Variants in ABCB1 observed in about 807,000 individuals in gnomAD.
ABCB1 encodes the protein ATP binding cassette subfamily B member 1.
ABCB1 carries 69 observed loss-of-function variants against 142.0 expected under a neutral mutation model. The ratio of observed to expected loss-of-function variants is 0.49; its 90% CI spans 0.40 to 0.59. The LOEUF (loss-of-function observed/expected upper bound fraction) is 0.59. ABCB1 is among the 20% of genes least tolerant of loss of function. The pLI is 0.00. For missense variants in ABCB1, 1,326 were observed against 1,554.7 expected, an observed-to-expected ratio of 0.85 and a Z score of 2.47; for synonymous variants, 532 against 539.2, an observed-to-expected ratio of 0.99 and a Z score of 0.18.
At chr7:87,642,310 A>C (rs1028982342) in intron 1 of ABCB1, among the ~76,000 whole-genome samples, 3 of 152,042 alleles carry the variant, frequency 2.0e-5, no homozygotes, top group Non-Finnish European at 2.9e-5. Context: ...ATAAACCATG[A>C]AGACTATATG....
chr7:87,565,479 G>A, intron 7 of ABCB1: 1 of 455,466 alleles, frequency 2.2e-6, no homozygotes, highest in South Asian at 1.6e-5. Context: ...ACAGGAGAGA[G>A]AGCTGAAGGC....
rs1305120399 is a variant in ABCB1 at position 87,520,860 on chromosome 7, A to G, written c.2702T>C (p.Ile901Thr). The G allele has an allele frequency of 1.2e-6, 2 of 1,613,770 alleles. No individual in the cohort carries two copies. The highest frequency in any genetic ancestry group is 2.2e-5 in the East Asian group (1 of 44,870). The stretch of plus-strand genomic sequence containing the variant: ...AGAAACAACGGTTCGGAAGTTTTCT[A>G]TTGCTTCAGTAGCGATCTGTAACAG... ...EGSGKIATEA[I>T]ENFRTVVSLT... is the part of the protein sequence containing the mutation. The change falls in exon 22 of 28, where the codon ATA (isoleucine) becomes ACA (threonine). Residue 901 changes from isoleucine to threonine, a missense_variant. Transcript: ENST00000622132.
intron 4 of ABCB1, among the ~76,000 whole-genome samples, chr7:87,578,244 A>G (rs762686530): frequency 3.9e-5 from 6 of 152,130 alleles, no homozygotes; most frequent in African/African-American, 1.4e-4. Context: ...TTGTGGATTT[A>G]TGTCTGCATT....
intron 1 of ABCB1, chr7:87,659,298 T>G: frequency 2.7e-6 from 1 of 367,766 alleles, no homozygotes; most frequent in Non-Finnish European, 5.3e-6. Flanking sequence ...TTTCTCTGTT[T>G]TCTTTTTTCT....
At chr7:87,612,227 T>C (rs1252428853) in intron 1 of ABCB1, among the ~76,000 whole-genome samples, 2 of 152,180 alleles carry the variant, frequency 1.3e-5, no homozygotes, top group Non-Finnish European at 2.9e-5. Context: ...TTTATTCTGA[T>C]GATTGTTTCT....
intron 4 of ABCB1, among the ~76,000 whole-genome samples, chr7:87,583,638 T>A (rs1222102846): frequency 6.6e-6 from 1 of 152,200 alleles, no homozygotes; most frequent in Non-Finnish European, 1.5e-5. Flanking sequence ...CATGGGCCTA[T>A]CCAGAAAGGA....
intron 9 of ABCB1, among the ~76,000 whole-genome samples, chr7:87,553,205 T>C (rs772082616): frequency 8.5e-5 from 13 of 152,162 alleles, no homozygotes; most frequent in Non-Finnish European, 1.8e-4. Context: ...CTATTGAGAT[T>C]GCTAACGTTA....
chr7:87,531,457 GCTATATTCTGGGTAATTACAGCAAGC>G lies in ABCB1; in HGVS notation c.2496_2521del (p.Arg832SerfsTer35). On this transcript the variant is annotated frameshift_variant, in exon 21 of 28. Transcript: ENST00000622132. LOFTEE classifies it high-confidence loss of function. ...TATAATTATTCCTGTCCCAAGATTT[GCTATATTCTGGGTAATTACAGCAAGC>G]CTGGAACCTATAGCCTGCAAAACAA... is the stretch of plus-strand genomic sequence containing the variant. 6.2e-7 allele frequency: 1 copy of G among 1,613,234 alleles called. No individual in the cohort carries two copies. The highest frequency in any genetic ancestry group is 8.5e-7 in the Non-Finnish European group (1 of 1,179,654).
intron 8 of ABCB1, among the ~76,000 whole-genome samples, chr7:87,560,504 A>T (rs1270512131): frequency 6.6e-6 from 1 of 152,176 alleles, no homozygotes; most frequent in Non-Finnish European, 1.5e-5. Context: ...CCCTAGAGCT[A>T]ACCATTATTC....
intron 1 of ABCB1, among the ~76,000 whole-genome samples, chr7:87,635,210 G>T (rs1352065951): frequency 1.3e-5 from 2 of 152,020 alleles, no homozygotes; most frequent in Non-Finnish European, 2.9e-5. Flanking sequence ...AGAGAGAATT[G>T]GGTATGTAGA....
intron 1 of ABCB1, among the ~76,000 whole-genome samples, chr7:87,630,144 C>CA (rs1821066294): frequency 6.6e-6 from 1 of 152,154 alleles, no homozygotes; most frequent in East Asian, 1.9e-4. Context: ...TCTTAAGAAT[C>CA]AGATGATGAT....
chr7:87,672,632 A>G (rs114505607), intron 1 of ABCB1, among the ~76,000 whole-genome samples: 5 of 152,190 alleles, frequency 3.3e-5, no homozygotes, highest in Non-Finnish European at 7.4e-5. Context: ...GTTTCCATGC[A>G]TGTCTGAGCA....
chr7:87,658,942 A>C (rs1200609244), intron 1 of ABCB1, among the ~76,000 whole-genome samples: 1 of 152,234 alleles, frequency 6.6e-6, no homozygotes, highest in East Asian at 1.9e-4. Context: ...ACTTGAGCTC[A>C]GTAGTTCAAG....
At chr7:87,514,130 A>T (rs953458878) in intron 25 of ABCB1, among the ~76,000 whole-genome samples, 1 of 152,242 alleles carries the variant, frequency 6.6e-6, no homozygotes, top group African/African-American at 2.4e-5. Context: ...GAGGAAGTAA[A>T]AAGAGTCCTA....
intron 3 of ABCB1, among the ~76,000 whole-genome samples, chr7:87,590,648 G>A (rs1221859527): frequency 6.6e-6 from 1 of 152,176 alleles, no homozygotes; most frequent in Non-Finnish European, 1.5e-5. Flanking sequence ...TGTATCCCAA[G>A]GACCAAAGAG....
intron 7 of ABCB1, among the ~76,000 whole-genome samples, chr7:87,563,205 T>C (rs115895266): frequency 6.6e-6 from 1 of 152,202 alleles, no homozygotes; most frequent in Non-Finnish European, 1.5e-5. Context: ...CAGGACCAGA[T>C]GAATTCATGG....
intron 1 of ABCB1, chr7:87,629,093 G>T (rs1820928485): frequency 1.5e-5 from 11 of 747,274 alleles, no homozygotes; most frequent in Non-Finnish European, 2.1e-5. Context: ...TGAGCGCGCA[G>T]CTCCTTGGAC....
chr7:87,707,027 G>A lies in ABCB1; in HGVS notation c.-331+6134C>T, dbSNP rs1471315689. The stretch of plus-strand genomic sequence containing the variant: ...TGAAAGACAATATCTTTGGAGTAAG[G>A]GAAATTCAGAAGATTAATACAAAAA... On this transcript the variant is annotated intron_variant, in intron 1 of 28. Transcript: ENST00000265724. 3.3e-5 allele frequency among the ~76,000 whole-genome samples: 5 copies of A among 152,108 alleles called. No homozygotes were observed. The South Asian group carries it at 8.3e-4, about 25-fold the overall frequency.
intron 8 of ABCB1, among the ~76,000 whole-genome samples, chr7:87,558,129 A>G (rs1817384075): frequency 6.6e-6 from 1 of 152,176 alleles, no homozygotes; most frequent in African/African-American, 2.4e-5. Context: ...GTGTTGTCCA[A>G]AAACAACTAG....
Sources: gnomAD v4.1 joint callset for allele counts (sites outside exome capture counted in the v4.1 genomes callset) on GRCh38, gnomAD v4.1.1 for gene constraint, MANE v1.5 for transcripts, NCBI Gene and HGNC (gene_info 2026-07-23, HGNC 2026-07-21) for gene names.